The following TMEM87B variants were observed in gnomAD, a reference collection of about 807,000 sequenced individuals.
TMEM87B encodes the protein transmembrane protein 87B.
TMEM87B carries 83 observed loss-of-function variants against 80.3 expected under a neutral mutation model. That is an observed-to-expected ratio of 1.03 (90% CI 0.87 to 1.24). The LOEUF is 1.24. Among genes scored for constraint, TMEM87B ranks in the 50% most tolerant of loss-of-function variants. TMEM87B has a pLI of 0.00. For missense variants in TMEM87B, 625 were observed against 674.4 expected, an observed-to-expected ratio of 0.93 and a Z score of 0.81; for synonymous variants, 219 against 230.5, an observed-to-expected ratio of 0.95 and a Z score of 0.45.
At chr2:112,066,876 T>C (rs1002253060) in intron 3 of TMEM87B, 60 bp from the exon 4 acceptor site, 3 of 1,420,796 alleles carry the variant, frequency 2.1e-6, no homozygotes, top group Non-Finnish European at 2.8e-6. Context: ...TAACTTTTAT[T>C]TATATTCTAG....
At chr2:112,081,811 G>C (rs956683971) in intron 8 of TMEM87B, among the ~76,000 whole-genome samples, 18 of 152,112 alleles carry the variant, frequency 1.2e-4, no homozygotes, top group African/African-American at 4.3e-4. Flanking sequence ...CACAAAGTTC[G>C]GGACAGGGAG....
At chr2:112,074,520 ATCTGATGAT>A in intron 4 of TMEM87B, among the ~76,000 whole-genome samples, 1 of 152,074 alleles carries the variant, frequency 6.6e-6, no homozygotes, top group Admixed American at 6.6e-5. Flanking sequence ...ACCTTGGAGA[ATCTGATGAT>A]TTATGTGTCT....
chr2:112,081,043 C>T lies in TMEM87B; in HGVS notation c.593-14C>T, dbSNP rs754764403. ...ACTGACTGTTAATTAACTCTCTCTT[C>T]TTCTCTATCCTAGTTTCTCTTTCTA... On this transcript the variant is annotated splice_polypyrimidine_tract_variant and intron_variant, in intron 6 of 18. Transcript: ENST00000283206. 1 of 1,607,726 alleles carries T rather than the reference C, an allele frequency of 6.2e-7. No individual in the cohort carries two copies. The highest frequency in any genetic ancestry group is 8.5e-7 in the Non-Finnish European group (1 of 1,175,892).
rs762962840 is a variant in TMEM87B at position 112,086,092 on chromosome 2, A to G, written c.926A>G (p.Tyr309Cys). The stretch of plus-strand genomic sequence containing the variant: ...CTCGTGATCATTGTGAGCCTGGGCT[A>G]TGGCATTGTGAAGTAAGTACTGGCG... ...RLLVIIVSLG[Y>C]GIVKPRLGTV... The change falls in exon 9 of 19, where the codon TAT (tyrosine) becomes TGT (cysteine). Residue 309 changes from tyrosine (Y) to cysteine (C), a missense_variant. Coordinates refer to ENST00000283206, the MANE Select transcript of TMEM87B (RefSeq NM_032824.3). 15 of 1,614,160 alleles carry G rather than the reference A, an allele frequency of 9.3e-6. 1 individual carries two copies. Among genetic ancestry groups the G allele is most frequent in the South Asian group, 7.7e-5 (7 of 91,080 alleles).
At chr2:112,099,525 CATATATATATATATATAT>C (rs778514391) in intron 14 of TMEM87B, among the ~76,000 whole-genome samples, 1 of 122,798 alleles carries the variant, frequency 8.1e-6, no homozygotes, top group East Asian at 2.5e-4. Context: ...TACAATAATA[CATATATATATATATATAT>C]ATATATATAT....
At chr2:112,099,836 C>T (rs1336453908) in intron 14 of TMEM87B, among the ~76,000 whole-genome samples, 9 of 146,872 alleles carry the variant, frequency 6.1e-5, no homozygotes, top group African/African-American at 2.0e-4. Flanking sequence ...GAGATCATGC[C>T]GCTGCTACTG....
chr2:112,066,862 A>G, intron 3 of TMEM87B, 74 bp from the exon 4 acceptor site: 6 of 1,324,390 alleles, frequency 4.5e-6, no homozygotes, highest in Non-Finnish European at 6.1e-6. Flanking sequence ...TATTATTTAG[A>G]CATTAACTTT....
chr2:112,068,042 A>G (rs1022260052), intron 4 of TMEM87B, among the ~76,000 whole-genome samples: 5 of 151,982 alleles, frequency 3.3e-5, no homozygotes, highest in Admixed American at 3.3e-4. Context: ...GTGAAACCCC[A>G]TCTCTACTTA....
chr2:112,064,110 A>G, intron 2 of TMEM87B, 52 bp from the exon 3 acceptor site: 1 of 1,474,632 alleles, frequency 6.8e-7, no homozygotes. Context: ...TTAAGTTTAT[A>G]TTAGAGTGTA....
intron 14 of TMEM87B, among the ~76,000 whole-genome samples, chr2:112,099,182 C>CT (rs1199538588): frequency 6.6e-6 from 1 of 152,182 alleles, no homozygotes; most frequent in Non-Finnish European, 1.5e-5. Flanking sequence ...AGCTTCCTTG[C>CT]TTTATCCCTT....
Position 112,055,613 on chromosome 2 carries a change from G to C in TMEM87B, c.22G>C (p.Val8Leu), listed in dbSNP as rs145486099. 0.022 allele frequency: 33,993 copies of C among 1,534,406 alleles called. 469 individuals are homozygous for C. The highest frequency in any genetic ancestry group is 0.036 in the Middle Eastern group (158 of 4,420). MVAACRSVAGLLPRRRRC... is the reference protein window; with the variant it reads MVAACRSLAGLLPRRRRC... Reference sequence around the variant, plus strand: ...CAAGATGGTCGCCGCCTGCCGCTCGGTAGCCGGGCTCCTGCCACGCCGCCG... The same window carrying C: ...CAAGATGGTCGCCGCCTGCCGCTCGCTAGCCGGGCTCCTGCCACGCCGCCG... The change falls in exon 1 of 19, where the codon GTA (valine) becomes CTA (leucine). Residue 8 changes from valine to leucine, a missense_variant. By Grantham distance (32) the Val-to-Leu change is conservative. Transcript: ENST00000283206.
At chr2:112,060,847 G>A (rs1380771033) in intron 2 of TMEM87B, among the ~76,000 whole-genome samples, 1 of 152,068 alleles carries the variant, frequency 6.6e-6, no homozygotes, top group Non-Finnish European at 1.5e-5. Context: ...CACAAGAATG[G>A]ATTTTTCTGA....
chr2:112,055,891 C>G, intron 1 of TMEM87B, 135 bp downstream of exon 1: 6 of 1,189,922 alleles, frequency 5.0e-6, no homozygotes, highest in Non-Finnish European at 6.7e-6. Flanking sequence ...CTCCCTGAGC[C>G]TTTTGTCTGT....
intron 1 of TMEM87B, among the ~76,000 whole-genome samples, chr2:112,058,684 A>G (rs749159175): frequency 5.3e-5 from 8 of 152,218 alleles, no homozygotes; most frequent in East Asian, 3.8e-4. Context: ...GCTAATCACT[A>G]TGGCTGCTGT....
intron 9 of TMEM87B, among the ~76,000 whole-genome samples, chr2:112,086,963 A>G (rs1337573410): frequency 6.6e-6 from 1 of 152,128 alleles, no homozygotes; most frequent in Non-Finnish European, 1.5e-5. Flanking sequence ...ATTTTAAGCA[A>G]TCCACTTTTC....
chr2:112,060,550 T>G (rs1488762083), intron 2 of TMEM87B, among the ~76,000 whole-genome samples: 1 of 151,974 alleles, frequency 6.6e-6, no homozygotes, highest in African/African-American at 2.4e-5. Flanking sequence ...CTTTTTTTTT[T>G]TCTTGAGACA....
At chr2:112,081,168 C>G in intron 7 of TMEM87B, 50 bp downstream of exon 7, 1 of 1,556,650 alleles carries the variant, frequency 6.4e-7, no homozygotes, top group Non-Finnish European at 8.8e-7. Context: ...ATTTTATACC[C>G]TAAGAGCTTT....
chr2:112,063,340 CTT>C, intron 2 of TMEM87B, among the ~76,000 whole-genome samples: 1 of 152,242 alleles, frequency 6.6e-6, no homozygotes. Context: ...TAACTCCAGA[CTT>C]AATGCTTTTC....
chr2:112,095,271 C>G, intron 11 of TMEM87B: 1 of 965,430 alleles, frequency 1.0e-6, no homozygotes, highest in South Asian at 4.9e-5. Context: ...CTCCCCCTCT[C>G]TCTCCTTGAC....
Sources: allele counts gnomAD v4.1 joint callset (sites outside exome capture counted in the v4.1 genomes callset), GRCh38; gene constraint gnomAD v4.1.1; transcripts MANE v1.5; gene names NCBI Gene and HGNC (gene_info 2026-07-23, HGNC 2026-07-21).